GLB1: variants seen among roughly 807,000 people sequenced by gnomAD.
GLB1 encodes beta-galactosidase.
GLB1 carries 56 observed loss-of-function variants against 74.0 expected under a neutral mutation model. The ratio of observed to expected loss-of-function variants is 0.76; its 90% CI spans 0.61 to 0.94. The LOEUF (loss-of-function observed/expected upper bound fraction) is 0.94. GLB1 is among the 40% of genes least tolerant of loss of function. The pLI is 0.00. For synonymous variants in GLB1, 323 were observed against 323.6 expected, an observed-to-expected ratio of 1.00 and a Z score of 0.02; for missense variants, 787 against 845.5, an observed-to-expected ratio of 0.93 and a Z score of 0.86.
chr3:33,048,390 GAAGGTGA>G (rs1056611285), intron 9 of GLB1, among the ~76,000 whole-genome samples: 2 of 152,230 alleles, frequency 1.3e-5, no homozygotes, highest in African/African-American at 4.8e-5. Flanking sequence ...TGTGAGGTGG[GAAGGTGA>G]AAGAAATGGT....
intron 15 of GLB1, among the ~76,000 whole-genome samples, chr3:33,002,524 G>C (rs906200304): frequency 1.3e-5 from 2 of 151,968 alleles, no homozygotes; most frequent in African/African-American, 4.8e-5. Context: ...TGAAACTATC[G>C]GGGGGAGGTA....
intron 10 of GLB1, among the ~76,000 whole-genome samples, chr3:33,038,227 A>G (rs1166518662): frequency 4.6e-5 from 7 of 152,130 alleles, no homozygotes; most frequent in Non-Finnish European, 1.0e-4. Context: ...CTTATCACTC[A>G]CCTCTAGCAT....
intron 10 of GLB1, among the ~76,000 whole-genome samples, chr3:33,024,588 G>T (rs1491002898): frequency 6.6e-6 from 1 of 152,132 alleles, no homozygotes; most frequent in African/African-American, 2.4e-5. Context: ...GCAAAAACAA[G>T]TAGAGAGAAT....
chr3:32,981,233 T>C, the GLB1 span, among the ~76,000 whole-genome samples: 2 of 147,898 alleles, frequency 1.4e-5, no homozygotes, highest in Non-Finnish European at 3.0e-5. Flanking sequence ...TGAAACCCCA[T>C]CTCTACTAAA....
intron 1 of GLB1, among the ~76,000 whole-genome samples, chr3:33,087,589 A>G (rs879640044): frequency 0.43 from 43,528 of 100,436 alleles, 7,133 homozygotes; most frequent in African/African-American, 0.49. Context: ...GCACACACAC[A>G]CACACACACA....
rs886184297 is a variant in GLB1 at position 33,069,633 on chromosome 3, G to A, written c.246-663C>T. ...AAACAAATGATTGTCATACAGAGAA[G>A]ACAACTCTAAAGGTTGCTTTTTCAT... On this transcript the variant is annotated intron_variant, in intron 2 of 15. Transcript: ENST00000307363. Among the ~76,000 whole-genome samples, 11 of 152,098 alleles carry A rather than the reference G, an allele frequency of 7.2e-5. No individual in the cohort carries two copies. In the South Asian group the frequency reaches 8.3e-4, roughly 11 times the overall value.
At chr3:32,963,234 G>GA in the GLB1 span, among the ~76,000 whole-genome samples, 3 of 151,570 alleles carry the variant, frequency 2.0e-5, no homozygotes, top group African/African-American at 7.3e-5. Context: ...TTGGCATCTG[G>GA]AAAAAAAATT....
At chr3:33,088,345 T>C (rs4130167) in intron 1 of GLB1, among the ~76,000 whole-genome samples, 110,257 of 150,848 alleles carry the variant, frequency 0.73, 40,598 homozygotes, top group East Asian at 0.98. Context: ...GATATAATCT[T>C]AGATGTAGGA....
At position 33,039,503 on chromosome 3, in the gene GLB1, T is replaced by C. The variant is rs557990559; in HGVS notation, c.1068+6617A>G. Among the ~76,000 whole-genome samples the C allele has an allele frequency of 6.6e-5, 10 of 152,230 alleles. No homozygotes were observed. In the East Asian group the frequency reaches 1.5e-3, roughly 24 times the overall value. On this transcript the variant is annotated intron_variant, in intron 10 of 15. Transcript: ENST00000307363. Reference sequence around the variant, plus strand: ...AATCATTGAAATTGAGTCTATAATATGGGTTTCACTCAGACAGTTGAAAAG... The same window carrying C: ...AATCATTGAAATTGAGTCTATAATACGGGTTTCACTCAGACAGTTGAAAAG...
intron 1 of GLB1, among the ~76,000 whole-genome samples, chr3:33,086,994 A>G (rs577334791): frequency 7.2e-5 from 11 of 152,004 alleles, no homozygotes; most frequent in South Asian, 4.1e-4. Context: ...AAAAAAAAAC[A>G]GTTGGTTTTT....
intron 5 of GLB1, 74 bp from the exon 6 acceptor site, chr3:33,058,343 G>A (rs2125533359): frequency 6.3e-7 from 1 of 1,588,414 alleles, no homozygotes; most frequent in Non-Finnish European, 8.6e-7. Flanking sequence ...TTTTGTGTGG[G>A]AAAATATCTG....
intron 12 of GLB1, among the ~76,000 whole-genome samples, chr3:33,020,192 G>A (rs1466541693): frequency 2.0e-5 from 3 of 152,152 alleles, no homozygotes; most frequent in Admixed American, 1.3e-4. Flanking sequence ...TGTGTGTGGT[G>A]GGGGGACTTA....
the GLB1 span, among the ~76,000 whole-genome samples, chr3:32,967,243 A>G: frequency 3.3e-5 from 5 of 152,248 alleles, no homozygotes; most frequent in East Asian, 9.6e-4. Flanking sequence ...GAAATCCACT[A>G]TAAAACTATT....
At chr3:33,013,163 G>C (rs961730587) in intron 15 of GLB1, among the ~76,000 whole-genome samples, 1 of 152,110 alleles carries the variant, frequency 6.6e-6, no homozygotes, top group African/African-American at 2.4e-5. Flanking sequence ...CCTCTCCCAG[G>C]AACATGCTTT....
At chr3:33,092,700 T>C in intron 1 of GLB1, 1 of 1,445,498 alleles carries the variant, frequency 6.9e-7, no homozygotes, top group Non-Finnish European at 9.1e-7. Flanking sequence ...ACTGTTTGAG[T>C]CAGGCTTGTG....
At chr3:33,032,169 G>C (rs1243293759) in intron 10 of GLB1, among the ~76,000 whole-genome samples, 1 of 152,118 alleles carries the variant, frequency 6.6e-6, no homozygotes, top group Non-Finnish European at 1.5e-5. Context: ...GATCCCCTGG[G>C]TTTGTCTTTT....
chr3:33,024,837 AACAC>A (rs1246065605), intron 10 of GLB1, among the ~76,000 whole-genome samples: 3 of 151,746 alleles, frequency 2.0e-5, no homozygotes, highest in Admixed American at 1.3e-4. Flanking sequence ...TGATTTAGAA[AACAC>A]ACACACAGAC....
chr3:32,995,862 AAAT>A (rs1575391540), downstream of GLB1, among the ~76,000 whole-genome samples: 1 of 144,942 alleles, frequency 6.9e-6, no homozygotes, highest in South Asian at 2.2e-4. Flanking sequence ...AAAAAAAAAA[AAAT>A]TACATATTCC....
At chr3:33,020,900 A>G (rs1255969265) in intron 12 of GLB1, among the ~76,000 whole-genome samples, 1 of 152,194 alleles carries the variant, frequency 6.6e-6, no homozygotes, top group Non-Finnish European at 1.5e-5. Flanking sequence ...GACTACATAC[A>G]CAGAGAGAAA....
Sources: gnomAD v4.1 joint callset for allele counts (sites outside exome capture counted in the v4.1 genomes callset) on GRCh38, gnomAD v4.1.1 for gene constraint, MANE v1.5 for transcripts, NCBI Gene and HGNC (gene_info 2026-07-23, HGNC 2026-07-21) for gene names.